The following BRINP2 variants were observed in gnomAD, a reference collection of about 807,000 sequenced individuals.
The protein encoded by BRINP2 is BMP/retinoic acid-inducible neural-specific protein 2.
A neutral mutation model predicts 69.2 loss-of-function variants in BRINP2; 21 were observed. The ratio of observed to expected loss-of-function variants is 0.30; its 90% CI spans 0.22 to 0.44. The LOEUF is 0.44. Ranked by LOEUF, BRINP2 falls within the 20% of genes least tolerant of loss-of-function variation. The pLI is 1.00. For synonymous variants in BRINP2, 380 were observed against 394.1 expected (o/e 0.96, Z 0.42); for missense variants, 877 against 986.0 (o/e 0.89, Z 1.48).
At chr1:177,184,662 AT>A (rs1011843660) in intron 1 of BRINP2, among the ~76,000 whole-genome samples, 27 of 149,704 alleles carry the variant, frequency 1.8e-4, no homozygotes, top group Admixed American at 4.6e-4. Flanking sequence ...TTTTTTAATC[AT>A]TTTTTTCCCC....
At chr1:177,215,203 A>G (rs1282398982) in intron 1 of BRINP2, among the ~76,000 whole-genome samples, 2 of 152,190 alleles carry the variant, frequency 1.3e-5, no homozygotes, top group Non-Finnish European at 2.9e-5. Flanking sequence ...TTGTTCTTCA[A>G]TTCCATTTGT....
rs1039489268 is a variant in BRINP2, at chr1:177,172,246, AC to A, written c.-77+515del. 6.0e-4 allele frequency among the ~76,000 whole-genome samples: 91 copies of A among 152,306 alleles called. 1 individual carries two copies. The highest frequency in any genetic ancestry group is 2.1e-3 in the African/African-American group (88 of 41,570). ...TGCAGTCAGGAAAATAAAATTCCAA[AC>A]AGTGAACCCTGTAGGTTGCAAATAG... On this transcript the variant is annotated intron_variant, in intron 1 of 7. Coordinates refer to ENST00000361539, the MANE Select transcript of BRINP2 (RefSeq NM_021165.4).
At chr1:177,253,921 T>C (rs1242076520) in intron 2 of BRINP2, among the ~76,000 whole-genome samples, 1 of 152,154 alleles carries the variant, frequency 6.6e-6, no homozygotes, top group African/African-American at 2.4e-5. Context: ...TTTGGCACTG[T>C]TATGATGAGC....
chr1:177,195,846 A>T (rs1398720306), intron 1 of BRINP2, among the ~76,000 whole-genome samples: 1 of 152,130 alleles, frequency 6.6e-6, no homozygotes, highest in Non-Finnish European at 1.5e-5. Flanking sequence ...CATTGTTGAT[A>T]ACAGATAGGC....
At chr1:177,209,663 G>T (rs905582598) in intron 1 of BRINP2, among the ~76,000 whole-genome samples, 3 of 152,152 alleles carry the variant, frequency 2.0e-5, no homozygotes, top group Admixed American at 2.0e-4. Flanking sequence ...TCCTGGAAAT[G>T]AAAGGATTGT....
intron 2 of BRINP2, among the ~76,000 whole-genome samples, chr1:177,242,348 CAAAT>C (rs1650231314): frequency 6.6e-6 from 1 of 152,152 alleles, no homozygotes; most frequent in African/African-American, 2.4e-5. Context: ...ACTATTTCAA[CAAAT>C]AGTCAATGAA....
intron 4 of BRINP2, among the ~76,000 whole-genome samples, chr1:177,266,867 C>T (rs140582175): frequency 3.0e-4 from 46 of 151,950 alleles, no homozygotes; most frequent in Admixed American, 5.9e-4. Context: ...AAACATATGC[C>T]TCTTTTATAA....
rs752528390 is a variant in BRINP2, at chr1:177,255,983, T to G, written c.334T>G (p.Leu112Val). 2.5e-6 allele frequency: 4 copies of G among 1,614,148 alleles called. No homozygotes were observed. The East Asian group carries it at 8.9e-5, about 36-fold the overall frequency. ...LERKDFFSLP[L>V]PLAPEFIRNI... ...AAGGAAGGACTTCTTCAGTTTGCCA[T>G]TGCCTCTTGCCCCAGAGTTTATCCG... The change falls in exon 3 of 8, where the codon TTG (leucine) becomes GTG (valine). Residue 112 changes from leucine (L) to valine (V), a missense_variant. By Grantham distance (32) the Leu-to-Val change is conservative (BLOSUM62 1). Transcript: ENST00000361539.
At chr1:177,214,393 A>G (rs918238173) in intron 1 of BRINP2, among the ~76,000 whole-genome samples, 3 of 152,226 alleles carry the variant, frequency 2.0e-5, no homozygotes, top group African/African-American at 7.2e-5. Flanking sequence ...AGATCGCACC[A>G]CTGCATTCCA....
At chr1:177,184,821 T>C (rs73034439) in intron 1 of BRINP2, among the ~76,000 whole-genome samples, 3,644 of 152,240 alleles carry the variant, frequency 0.024, 164 homozygotes, top group African/African-American at 0.084. Flanking sequence ...ACAAGAATCT[T>C]TCCTATTAAG....
At chr1:177,205,279 T>A (rs1379460751) in intron 1 of BRINP2, among the ~76,000 whole-genome samples, 1 of 152,152 alleles carries the variant, frequency 6.6e-6, no homozygotes, top group Non-Finnish European at 1.5e-5. Context: ...GAGTTGGGAT[T>A]ACAGGCACCC....
intron 1 of BRINP2, among the ~76,000 whole-genome samples, chr1:177,178,139 C>T (rs936576279): frequency 7.2e-5 from 11 of 152,224 alleles, no homozygotes; most frequent in African/African-American, 1.4e-4. Context: ...GTGCTACTGT[C>T]TGATGCCAGG....
At chr1:177,251,386 C>CA (rs1319133606) in intron 2 of BRINP2, among the ~76,000 whole-genome samples, 2 of 152,084 alleles carry the variant, frequency 1.3e-5, no homozygotes, top group African/African-American at 4.8e-5. Flanking sequence ...CTAAACACCA[C>CA]AAAAAAATTA....
At position 177,260,529 on chromosome 1, in the gene BRINP2, C is replaced by G. The variant is rs145281825; in HGVS notation, c.669+3145C>G. On this transcript the variant is annotated intron_variant, in intron 4 of 7. Coordinates refer to ENST00000361539, the MANE Select transcript of BRINP2 (RefSeq NM_021165.4). ...ATAGCGTCACATGCTACAGAGAAAT[C>G]TCTCATGAAAGGAAGAGTCCATTGA... 7.0e-3 allele frequency among the ~76,000 whole-genome samples: 1,059 copies of G among 152,256 alleles called. 9 individuals are homozygous for G. Among genetic ancestry groups the G allele is most frequent in the South Asian group, 0.015 (70 of 4,826 alleles).
chr1:177,268,913 G>A (rs1651216784), intron 4 of BRINP2, among the ~76,000 whole-genome samples: 5 of 152,178 alleles, frequency 3.3e-5, no homozygotes, highest in Admixed American at 3.3e-4. Context: ...CTATGACCTT[G>A]AGAAGTCATT....
At chr1:177,218,936 C>A (rs1649449521) in intron 1 of BRINP2, among the ~76,000 whole-genome samples, 1 of 152,074 alleles carries the variant, frequency 6.6e-6, no homozygotes, top group Non-Finnish European at 1.5e-5. Flanking sequence ...CTTCAACTTG[C>A]CATTATCTAT....
Position 177,257,179 on chromosome 1 carries a change from A to G in BRINP2, c.464A>G (p.Glu155Gly), listed in dbSNP as rs775148745. ...ACACTCGTGTTGTTCACCATAGGAG[A>G]AGAGTCCCTGACCATTTTTGTGGAC... ...HFLLSATLGG[E>G]ESLTIFVDKQ... is the part of the protein sequence containing the mutation. Residue 155 changes from glutamate (E) to glycine (G), a missense_variant, in exon 4 of 8, where the codon GAA becomes GGA. Transcript: ENST00000361539. The G allele has an allele frequency of 1.2e-6, 2 of 1,613,960 alleles. No individual in the cohort carries two copies. The highest frequency in any genetic ancestry group is 2.2e-5 in the East Asian group (1 of 44,838).
chr1:177,273,506 G>A lies in BRINP2; in HGVS notation c.688G>A (p.Gly230Ser), dbSNP rs758171781. 16 of 1,609,442 alleles carry A rather than the reference G, an allele frequency of 9.9e-6. No homozygotes were observed. Among genetic ancestry groups the A allele is most frequent in the Admixed American group, 3.4e-5 (2 of 59,618 alleles). The change falls in exon 5 of 8, where the codon GGT (glycine) becomes AGT (serine). Residue 230 changes from glycine to serine, a missense_variant. This residue lies in a region of BRINP2 where 566 missense variants were observed against 625.2 expected (regional missense o/e 0.91). Coordinates refer to ENST00000361539, the MANE Select transcript of BRINP2 (RefSeq NM_021165.4). ...GAIKVTETRTGPLGCSNYDNL... is the reference protein window; with the variant it reads ...GAIKVTETRTSPLGCSNYDNL... Reference sequence around the variant, plus strand: ...TCTCTAGGTCACCGAGACCAGGACCGGTCCTCTGGGCTGCAGCAACTATGA... The same window carrying A: ...TCTCTAGGTCACCGAGACCAGGACCAGTCCTCTGGGCTGCAGCAACTATGA...
At chr1:177,229,765 G>C in intron 1 of BRINP2, 36 bp from the exon 2 acceptor site, 1 of 1,422,644 alleles carries the variant, frequency 7.0e-7, no homozygotes, top group East Asian at 2.4e-5. Flanking sequence ...GGGGTAACAG[G>C]GTGCTCAAAT....
Sources: gnomAD v4.1 joint callset for allele counts (sites outside exome capture counted in the v4.1 genomes callset) on GRCh38, gnomAD v4.1.1 for gene constraint, gnomAD v4.1.1 regional missense constraint, MANE v1.5 for transcripts, NCBI Gene and HGNC (gene_info 2026-07-23, HGNC 2026-07-21) for gene names.